Variants in SIRPD observed in about 807,000 individuals in gnomAD.
SIRPD encodes the protein signal-regulatory protein delta.
SIRPD carries 21 observed loss-of-function variants against 18.0 expected under a neutral mutation model. That is an observed-to-expected ratio of 1.17 (90% CI 0.83 to 1.68). The LOEUF is 1.68. Ranked by LOEUF, SIRPD falls within the 40% of genes most tolerant of loss-of-function variation. SIRPD has a pLI of 0.00. For synonymous variants in SIRPD, 106 were observed against 92.9 expected (o/e 1.14, Z -0.81); for missense variants, 295 against 238.4 (o/e 1.24, Z -1.56).
chr20:1,543,400 T>G (rs1388654884), intron 2 of SIRPD, among the ~76,000 whole-genome samples: 1 of 152,240 alleles, frequency 6.6e-6, no homozygotes, highest in African/African-American at 2.4e-5. Context: ...TTCTTCTAGA[T>G]TTTCTAGTTT....
chr20:1,540,644 AT>A (rs1006147929), intron 2 of SIRPD, among the ~76,000 whole-genome samples: 9 of 152,160 alleles, frequency 5.9e-5, no homozygotes, highest in Admixed American at 1.3e-4. Flanking sequence ...TAAAAAATTG[AT>A]TTTTTAAATT....
At chr20:1,552,170 G>T in intron 1 of SIRPD, 132 bp from the exon 2 acceptor site, 4 of 734,554 alleles carry the variant, frequency 5.4e-6, no homozygotes, top group Non-Finnish European at 8.8e-6. Flanking sequence ...GTAAAGAGAG[G>T]CCTTTGCACA....
intron 1 of SIRPD, chr20:1,554,362 T>TATA (rs2091030833): frequency 1.3e-5 from 2 of 152,554 alleles, no homozygotes; most frequent in African/African-American, 4.8e-5. Flanking sequence ...AGGGTCTGGT[T>TATA]ATAGGTCAAG....
chr20:1,535,819 G>A (rs971441275), intron 3 of SIRPD, among the ~76,000 whole-genome samples: 10 of 152,204 alleles, frequency 6.6e-5, no homozygotes, highest in Admixed American at 3.3e-4. Flanking sequence ...AATGTGGAAA[G>A]TAAAACTTCC....
Position 1,534,336 on chromosome 20 carries a change from A to G in SIRPD, c.*89T>C, listed in dbSNP as rs1457692624. ...AAGAAAGCTCTCTTGAAGAAGGCAA[A>G]TGAAACTCCTAAAAAGTAGCTGTCT... On this transcript the variant is annotated 3_prime_UTR_variant, in exon 4 of 4. Coordinates refer to ENST00000381623, the MANE Select transcript of SIRPD (RefSeq NM_178460.3). 9.5e-6 allele frequency: 15 copies of G among 1,572,384 alleles called. No homozygotes were observed. Among genetic ancestry groups the G allele is most frequent in the Admixed American group, 1.8e-5 (1 of 54,254 alleles).
intron 2 of SIRPD, among the ~76,000 whole-genome samples, chr20:1,542,728 A>T (rs2090977923): frequency 1.3e-5 from 2 of 152,178 alleles, no homozygotes; most frequent in Non-Finnish European, 2.9e-5. Context: ...GTTTTCAAAG[A>T]GAATGCTTCC....
chr20:1,540,199 T>A (rs2090964726), intron 2 of SIRPD: 2 of 433,570 alleles, frequency 4.6e-6, no homozygotes, highest in Non-Finnish European at 9.2e-6. Flanking sequence ...CCAGGGATGC[T>A]GGCAGCAAAC....
At chr20:1,543,110 C>G (rs1376978800) in intron 2 of SIRPD, among the ~76,000 whole-genome samples, 1 of 152,184 alleles carries the variant, frequency 6.6e-6, no homozygotes, top group African/African-American at 2.4e-5. Flanking sequence ...TGTTGTGTCT[C>G]TGCCAGGTTT....
At chr20:1,546,015 C>A (rs757558338) in intron 2 of SIRPD, among the ~76,000 whole-genome samples, 4 of 152,204 alleles carry the variant, frequency 2.6e-5, no homozygotes, top group Non-Finnish European at 5.9e-5. Context: ...GGGCACCTGC[C>A]AGATGCCAGC....
chr20:1,537,870 CCTGT>C (rs1207592755), intron 2 of SIRPD, among the ~76,000 whole-genome samples: 1 of 152,088 alleles, frequency 6.6e-6, no homozygotes, highest in East Asian at 1.9e-4. Context: ...GGGGAAGAAG[CCTGT>C]GTGTGTCAAG....
chr20:1,548,138 T>C, intron 2 of SIRPD, among the ~76,000 whole-genome samples: 1 of 152,196 alleles, frequency 6.6e-6, no homozygotes, highest in Non-Finnish European at 1.5e-5. Flanking sequence ...GGAGATATCC[T>C]TGTGTTATTC....
At chr20:1,549,452 T>A (rs2091008780) in intron 2 of SIRPD, among the ~76,000 whole-genome samples, 1 of 151,912 alleles carries the variant, frequency 6.6e-6, no homozygotes, top group Non-Finnish European at 1.5e-5. Context: ...AAACTGGACA[T>A]CTTAGATAAT....
At chr20:1,544,610 C>T (rs952193994) in intron 2 of SIRPD, among the ~76,000 whole-genome samples, 1 of 152,048 alleles carries the variant, frequency 6.6e-6, no homozygotes, top group Non-Finnish European at 1.5e-5. Context: ...GCATTTAGCC[C>T]ATTTACATTT....
In SIRPD at chr20:1,548,363, G is replaced by A. The variant is rs73569150; in HGVS notation, c.421+3328C>T. Among the ~76,000 whole-genome samples the A allele has an allele frequency of 9.2e-3, 1,393 of 151,966 alleles. 22 individuals are homozygous for A. Among genetic ancestry groups the A allele is most frequent in the African/African-American group, 0.033 (1,359 of 41,456 alleles). Reference sequence around the variant, plus strand: ...TCCTTTTTTTTTATCATCTTGAGAGGATTATGTGGTTTTCTTTTTTATTTT... The same window carrying A: ...TCCTTTTTTTTTATCATCTTGAGAGAATTATGTGGTTTTCTTTTTTATTTT... On this transcript the variant is annotated intron_variant, in intron 2 of 3. Coordinates refer to ENST00000381623, the MANE Select transcript of SIRPD (RefSeq NM_178460.3).
intron 3 of SIRPD, 117 bp downstream of exon 3, chr20:1,537,038 A>C: frequency 8.1e-7 from 1 of 1,231,150 alleles, no homozygotes; most frequent in African/African-American, 1.5e-5. Flanking sequence ...GGTGGCAAAG[A>C]AAGAGGCCCT....
intron 1 of SIRPD, among the ~76,000 whole-genome samples, chr20:1,554,673 A>T (rs2091032327): frequency 6.6e-6 from 1 of 152,202 alleles, no homozygotes; most frequent in African/African-American, 2.4e-5. Flanking sequence ...TAAGGACAGT[A>T]TGTTGATAAC....
intron 2 of SIRPD, among the ~76,000 whole-genome samples, chr20:1,548,346 T>A (rs1271381047): frequency 6.6e-6 from 1 of 152,146 alleles, no homozygotes; most frequent in African/African-American, 2.4e-5. Flanking sequence ...ATTCCTTTTT[T>A]TTTATCATCT....
intron 2 of SIRPD, among the ~76,000 whole-genome samples, chr20:1,544,545 C>T (rs373076315): frequency 6.6e-6 from 1 of 151,834 alleles, no homozygotes; most frequent in Non-Finnish European, 1.5e-5. Context: ...GAATACAACA[C>T]ACCGATGGGT....
Position 1,539,593 on chromosome 20 carries a change from C to T in SIRPD, c.422-2283G>A, listed in dbSNP as rs528539333. Among the ~76,000 whole-genome samples, 11 of 152,328 alleles carry T rather than the reference C, an allele frequency of 7.2e-5. 1 individual carries two copies. In the South Asian group the frequency reaches 2.3e-3, roughly 32 times the overall value. Reference sequence around the variant, plus strand: ...GGTAGTCAGCCTTTGAGATTATCTCCAGCTCCTGGCATTCACCCCACTATG... The same window carrying T: ...GGTAGTCAGCCTTTGAGATTATCTCTAGCTCCTGGCATTCACCCCACTATG... On this transcript the variant is annotated intron_variant, in intron 2 of 3. Coordinates refer to ENST00000381623, the MANE Select transcript of SIRPD (RefSeq NM_178460.3).
Sources: allele counts gnomAD v4.1 joint callset (sites outside exome capture counted in the v4.1 genomes callset), GRCh38; gene constraint gnomAD v4.1.1; transcripts MANE v1.5; gene names NCBI Gene and HGNC (gene_info 2026-07-23, HGNC 2026-07-21).